SUPT5H: variants seen among roughly 807,000 people sequenced by gnomAD.
The protein encoded by SUPT5H is transcription elongation factor SPT5.
SUPT5H carries 24 observed loss-of-function variants against 142.5 expected under a neutral mutation model. That is an observed-to-expected ratio of 0.17 (90% CI 0.12 to 0.24). SUPT5H has a LOEUF of 0.24. SUPT5H is among the 10% of genes least tolerant of loss of function. The pLI, the probability that SUPT5H is intolerant of heterozygous loss-of-function variation, is 1.00. For missense variants in SUPT5H, 893 were observed against 1,471.8 expected (o/e 0.61, Z 6.43); for synonymous variants, 546 against 553.0 (o/e 0.99, Z 0.18).
At chr19:39,464,732 G>A in intron 10 of SUPT5H, 66 bp from the exon 11 acceptor site, 1 of 1,531,990 alleles carries the variant, frequency 6.5e-7, no homozygotes, top group Admixed American at 2.0e-5. Context: ...GCTGATGAGT[G>A]GCAGTCATTT....
intron 3 of SUPT5H, among the ~76,000 whole-genome samples, chr19:39,456,693 C>T (rs577584858): frequency 6.6e-6 from 1 of 152,166 alleles, no homozygotes; most frequent in African/African-American, 2.4e-5. Context: ...GCTGGGATTA[C>T]AGGCATGAGC....
rs898774284 is a variant in SUPT5H, at chr19:39,456,263, T to G, written c.242-1412T>G. The stretch of plus-strand genomic sequence containing the variant: ...TTTTTTTTTAAAGACAGGATCTCAC[T>G]CCGTTTCCTAGGCTGGAGTTCAGTG... On this transcript the variant is annotated intron_variant, in intron 3 of 29. Coordinates refer to ENST00000432763, the MANE Select transcript of SUPT5H (RefSeq NM_001111020.3). 4.7e-5 allele frequency among the ~76,000 whole-genome samples: 7 copies of G among 150,198 alleles called. No homozygotes were observed. The Admixed American group carries it at 4.7e-4, about 10-fold the overall frequency.
rs765453702 is a variant in SUPT5H, at chr19:39,474,379, A to G, written c.2797A>G (p.Thr933Ala). The stretch of plus-strand genomic sequence containing the variant: ...CCACTCCCCAGCCAGCTACCACCCT[A>G]CACCGTCGCCCATGGCCTATCAGGT... ...NTHSPASYHP[T>A]PSPMAYQASP... Residue 933 changes from threonine (T) to alanine (A), a missense_variant, in exon 27 of 30, where the codon ACA becomes GCA. Thr to Ala is a moderately conservative substitution (Grantham distance 58). Transcript: ENST00000432763. The surrounding 1 kb of genome is among the most constrained non-coding windows in gnomAD (Gnocchi z 6.5). 1 of 1,613,852 alleles carries G rather than the reference A, an allele frequency of 6.2e-7. No homozygotes were observed. Among genetic ancestry groups the G allele is most frequent in the African/African-American group, 1.3e-5 (1 of 74,866 alleles).
Position 39,466,029 on chromosome 19 carries a change from G to A in SUPT5H, c.877-451G>A, listed in dbSNP as rs2146110805. On this transcript the variant is annotated intron_variant, in intron 11 of 29. Coordinates refer to ENST00000432763, the MANE Select transcript of SUPT5H (RefSeq NM_001111020.3). The surrounding 1 kb of genome is among the most constrained non-coding windows in gnomAD (Gnocchi z 4.3). ...GGGTTTCCTATTTTTGAGCATTTTG[G>A]GTTTTTGGATTTGGAATGCTGAGAC... Among the ~76,000 whole-genome samples, 1 of 152,214 alleles carries A rather than the reference G, an allele frequency of 6.6e-6. No homozygotes were observed.
chr19:39,453,430 G>C lies in SUPT5H; in HGVS notation c.150G>C (p.Glu50Asp), dbSNP rs756015175. 1 of 1,579,806 alleles carries C rather than the reference G, an allele frequency of 6.3e-7. No homozygotes were observed. The highest frequency in any genetic ancestry group is 2.3e-5 in the East Asian group (1 of 42,956). Residue 50 changes from glutamate (E) to aspartate (D), a missense_variant, in exon 3 of 30, where the codon GAG becomes GAC. Glu to Asp is a conservative substitution (Grantham distance 45). Coordinates refer to ENST00000432763, the MANE Select transcript of SUPT5H (RefSeq NM_001111020.3). ...EEPEDEEEEE[E>D]EEEYDEEEEE... ...CTGAGGACGAAGAGGAGGAGGAAGA[G>C]GAGGAGGAATACGATGAGGAAGAGG...
chr19:39,459,741 A>G (rs1361651430), intron 9 of SUPT5H, 151 bp from the exon 10 acceptor site: 32 of 1,270,570 alleles, frequency 2.5e-5, no homozygotes, highest in Middle Eastern at 1.9e-4. Flanking sequence ...CTGACTGGCT[A>G]TCTCCCACCT....
chr19:39,457,841 A>G (rs2079109926), intron 4 of SUPT5H, 101 bp downstream of exon 4: 1 of 1,534,914 alleles, frequency 6.5e-7, no homozygotes, highest in Non-Finnish European at 8.8e-7. Flanking sequence ...GTACACCCCA[A>G]CTCCCACCGT....
chr19:39,474,291 G>C lies in SUPT5H; in HGVS notation c.2709G>C (p.Gln903His), dbSNP rs774960355. The change falls in exon 27 of 30, where the codon CAG (glutamine) becomes CAC (histidine). Residue 903 changes from glutamine to histidine, a missense_variant. Gln to His is a conservative substitution (Grantham distance 24). This residue lies in a region of SUPT5H where 336 missense variants were observed against 546.5 expected (regional missense o/e 0.61). Coordinates refer to ENST00000432763, the MANE Select transcript of SUPT5H (RefSeq NM_001111020.3). The surrounding 1 kb of genome is among the most constrained non-coding windows in gnomAD (Gnocchi z 6.5). Reference sequence around the variant, plus strand: ...CCCCCTCCCCACAAGGTTCCTACCAGCCCAGCCCCAGCCCCCAGAGCTACC... The same window carrying C: ...CCCCCTCCCCACAAGGTTCCTACCACCCCAGCCCCAGCCCCCAGAGCTACC... ...YAAPSPQGSY[Q>H]PSPSPQSYHQ... 2 of 1,613,704 alleles carry C rather than the reference G, an allele frequency of 1.2e-6. No individual in the cohort carries two copies. Among genetic ancestry groups the C allele is most frequent in the African/African-American group, 2.7e-5 (2 of 74,802 alleles).
intron 10 of SUPT5H, among the ~76,000 whole-genome samples, chr19:39,462,839 C>CTTTTTT (rs71169597): frequency 1.8e-5 from 2 of 110,354 alleles, no homozygotes; most frequent in Non-Finnish European, 3.5e-5. Flanking sequence ...CCTTAATTTT[C>CTTTTTT]TTTTTTTTTT....
At chr19:39,446,082 G>A in intron 2 of SUPT5H, 117 bp downstream of exon 2, 1 of 1,141,590 alleles carries the variant, frequency 8.8e-7, no homozygotes, top group Non-Finnish European at 1.3e-6. Context: ...GGAACTCCCA[G>A]ATTGTCTCAA....
Position 39,474,151 on chromosome 19 carries a change from C to T in SUPT5H, c.2651+30C>T, listed in dbSNP as rs777589933. The T allele has an allele frequency of 1.9e-6, 3 of 1,607,358 alleles. No homozygotes were observed. Among genetic ancestry groups the T allele is most frequent in the East Asian group, 2.2e-5 (1 of 44,852 alleles). ...GTCCACTGGGGCCTGCCCTCGTCTA[C>T]CCCTGCCCAAACCCTCCTACTGCCA... On this transcript the variant is annotated intron_variant, in intron 26 of 29. Transcript: ENST00000432763. This position sits in a 1 kb window ranked among gnomAD's most constrained non-coding sequence, Gnocchi z 6.5.
At chr19:39,446,694 G>A (rs1222810162) in intron 2 of SUPT5H, among the ~76,000 whole-genome samples, 1 of 152,170 alleles carries the variant, frequency 6.6e-6, no homozygotes, top group African/African-American at 2.4e-5. Context: ...ACGGGACCCT[G>A]TCTCTACAAA....
At chr19:39,450,719 A>G (rs867154959) in intron 2 of SUPT5H, among the ~76,000 whole-genome samples, 3 of 152,248 alleles carry the variant, frequency 2.0e-5, no homozygotes, top group African/African-American at 7.2e-5. Context: ...TTTAGGTGGA[A>G]TAAGGACAAG....
chr19:39,457,525 C>G, intron 3 of SUPT5H, 150 bp from the exon 4 acceptor site: 1 of 1,393,232 alleles, frequency 7.2e-7, no homozygotes, highest in Non-Finnish European at 9.7e-7. Flanking sequence ...TGTGGCACGG[C>G]CCCAGACGAG....
chr19:39,459,646 G>A, intron 9 of SUPT5H, 57 bp downstream of exon 9: 1 of 1,607,090 alleles, frequency 6.2e-7, no homozygotes, highest in Non-Finnish European at 8.5e-7. Context: ...AGGCTGCTTT[G>A]TGGGGGAGAA....
At chr19:39,464,697 G>A (rs2079211080) in intron 10 of SUPT5H, 101 bp from the exon 11 acceptor site, 2 of 1,487,388 alleles carry the variant, frequency 1.3e-6, no homozygotes, top group Non-Finnish European at 1.8e-6. Flanking sequence ...GTGTTTCTGT[G>A]GAATAAATTC....
At chr19:39,464,236 C>T (rs1368180410) in intron 10 of SUPT5H, among the ~76,000 whole-genome samples, 5 of 152,180 alleles carry the variant, frequency 3.3e-5, no homozygotes, top group Admixed American at 6.5e-5. Flanking sequence ...CCACCCGCCT[C>T]GGCCTCCCAA....
At chr19:39,447,079 T>G (rs910083779) in intron 2 of SUPT5H, among the ~76,000 whole-genome samples, 2 of 151,896 alleles carry the variant, frequency 1.3e-5, no homozygotes, top group Admixed American at 1.3e-4. Flanking sequence ...GTGGGAAGAT[T>G]GCTTGAGCCA....
Position 39,445,809 on chromosome 19 carries a change from C to T in SUPT5H, c.-82C>T. ...AAGGGGTTTTCTTCTCCCAGGGAAC[C>T]AGCGGGGAAACTGAGGCTCGGGGTG... is the stretch of plus-strand genomic sequence containing the variant. On this transcript the variant is annotated 5_prime_UTR_variant, in exon 2 of 30. Transcript: ENST00000432763. The T allele has an allele frequency of 6.5e-7, 1 of 1,536,982 alleles. No individual in the cohort carries two copies. The highest frequency in any genetic ancestry group is 1.2e-5 in the South Asian group (1 of 86,558).
Sources: gnomAD v4.1 joint callset for allele counts (sites outside exome capture counted in the v4.1 genomes callset) on GRCh38, gnomAD v4.1.1 for gene constraint, gnomAD v4.1.1 regional missense constraint, Gnocchi (gnomAD v3.1) non-coding constraint, MANE v1.5 for transcripts, NCBI Gene and HGNC (gene_info 2026-07-23, HGNC 2026-07-21) for gene names.